Variants in GLCCI1 observed in about 807,000 individuals in gnomAD.
The protein encoded by GLCCI1 is glucocorticoid induced 1, also known as glucocorticoid-induced transcript 1 protein.
A neutral mutation model predicts 52.2 loss-of-function variants in GLCCI1; 24 were observed. The ratio of observed to expected loss-of-function variants is 0.46; its 90% CI spans 0.33 to 0.65. The LOEUF (loss-of-function observed/expected upper bound fraction) is 0.65, where lower values mean the gene tolerates loss of function less well. GLCCI1 is among the 30% of genes least tolerant of loss of function. The pLI is 0.02. For synonymous variants in GLCCI1, 310 were observed against 276.5 expected, an observed-to-expected ratio of 1.12 and a Z score of -1.20; for missense variants, 704 against 701.5, an observed-to-expected ratio of 1.00 and a Z score of -0.04.
intron 2 of GLCCI1, among the ~76,000 whole-genome samples, chr7:8,004,573 A>C (rs1276009877): frequency 1.3e-5 from 2 of 152,198 alleles, no homozygotes; most frequent in Non-Finnish European, 2.9e-5. Context: ...CTTTTCCTCC[A>C]CATCAGAAAA....
chr7:8,007,633 G>A (rs894945312), intron 2 of GLCCI1, among the ~76,000 whole-genome samples: 1 of 152,156 alleles, frequency 6.6e-6, no homozygotes, highest in Non-Finnish European at 1.5e-5. Context: ...GGAAGAACTT[G>A]TTTTATTTAT....
chr7:8,047,014 A>G (rs937224078), intron 3 of GLCCI1, among the ~76,000 whole-genome samples: 2 of 152,182 alleles, frequency 1.3e-5, no homozygotes, highest in African/African-American at 4.8e-5. Flanking sequence ...GGGGGAAAAA[A>G]AAAACCACCT....
chr7:7,973,344 G>C (rs182330542), intron 1 of GLCCI1, among the ~76,000 whole-genome samples: 30 of 151,660 alleles, frequency 2.0e-4, no homozygotes, highest in Non-Finnish European at 3.8e-4. Context: ...AGAACCCATG[G>C]ATTTAAACAT....
intron 6 of GLCCI1, among the ~76,000 whole-genome samples, chr7:8,077,110 T>C (rs1484263443): frequency 6.6e-6 from 1 of 152,202 alleles, no homozygotes; most frequent in Non-Finnish European, 1.5e-5. Flanking sequence ...CTGCTAAAAC[T>C]GTCTCATCTT....
At chr7:8,061,300 C>G (rs1411980273) in intron 5 of GLCCI1, among the ~76,000 whole-genome samples, 1 of 152,046 alleles carries the variant, frequency 6.6e-6, no homozygotes. Flanking sequence ...CGGGGTTTTG[C>G]CATGTTAGCC....
In GLCCI1 at chr7:8,032,628, C is replaced by T. The variant is rs939541713; in HGVS notation, c.696+10059C>T. ...ATTATGAACAACTTTATGCCATCAA[C>T]GTAGAAAACTGAGATGAAATGGACA... On this transcript the variant is annotated intron_variant, in intron 3 of 7. Transcript: ENST00000223145. 4.6e-5 allele frequency among the ~76,000 whole-genome samples: 7 copies of T among 151,770 alleles called. No homozygotes were observed. The East Asian group carries it at 1.4e-3, about 29-fold the overall frequency.
chr7:8,024,322 A>G (rs993641210), intron 3 of GLCCI1, among the ~76,000 whole-genome samples: 3 of 152,208 alleles, frequency 2.0e-5, no homozygotes, highest in African/African-American at 7.2e-5. Context: ...TCTGCCTACC[A>G]TACATGTATG....
intron 1 of GLCCI1, among the ~76,000 whole-genome samples, chr7:7,974,335 A>G (rs971803295): frequency 7.2e-5 from 11 of 152,206 alleles, no homozygotes; most frequent in African/African-American, 2.4e-4. Flanking sequence ...AGCGTATTGA[A>G]TATTGAATAC....
chr7:8,071,731 T>G (rs2127965012), intron 6 of GLCCI1, among the ~76,000 whole-genome samples: 1 of 152,284 alleles, frequency 6.6e-6, no homozygotes, highest in African/African-American at 2.4e-5. Flanking sequence ...CAACACTTCC[T>G]GGGTTCTTTC....
chr7:8,021,076 T>A (rs1378490677), intron 2 of GLCCI1, among the ~76,000 whole-genome samples: 1 of 152,200 alleles, frequency 6.6e-6, no homozygotes, highest in Non-Finnish European at 1.5e-5. Flanking sequence ...GCTCAAGCAG[T>A]TTATTTTTGT....
intron 1 of GLCCI1, among the ~76,000 whole-genome samples, chr7:7,985,302 A>C (rs1780700314): frequency 6.6e-6 from 1 of 152,084 alleles, no homozygotes; most frequent in Non-Finnish European, 1.5e-5. Context: ...TAGCATGCGC[A>C]CCCTAAAGTT....
At position 8,085,013 on chromosome 7, in the gene GLCCI1, A is replaced by G. The variant is rs1204711984; in HGVS notation, c.1294A>G (p.Met432Val). 2 of 1,613,886 alleles carry G rather than the reference A, an allele frequency of 1.2e-6. No homozygotes were observed. The highest frequency in any genetic ancestry group is 2.7e-5 in the African/African-American group (2 of 74,922). The change falls in exon 7 of 8, where the codon ATG becomes GTG. Residue 432 changes from methionine (M) to valine (V), a missense_variant. Transcript: ENST00000223145. ...GCERVKVFEE[M>V]ASRQPISAPL... The stretch of plus-strand genomic sequence containing the variant: ...TGAGCGAGTGAAGGTCTTTGAGGAA[A>G]TGGCGTAAGTAATGTCTTTTTTGTC...
Position 8,086,654 on chromosome 7 carries a change from C to T in GLCCI1, c.*116C>T. ...CACCACCAATAATACTTATCAGCATCATAAAGTATCTCTTAAACACTGATC... is the reference window on the plus strand; with the variant it reads ...CACCACCAATAATACTTATCAGCATTATAAAGTATCTCTTAAACACTGATC... On this transcript the variant is annotated 3_prime_UTR_variant, in exon 8 of 8. Transcript: ENST00000223145. This position sits in a 1 kb window ranked among gnomAD's most constrained non-coding sequence, Gnocchi z 4.4. 1 of 815,744 alleles carries T rather than the reference C, an allele frequency of 1.2e-6. No individual in the cohort carries two copies. The highest frequency in any genetic ancestry group is 1.9e-6 in the Non-Finnish European group (1 of 517,434). The allele number at this position is 815,744 out of a possible 1,614,324, so 50.5% of individuals were successfully genotyped here. A position where few individuals can be genotyped will look rare whatever the true frequency, so the allele number is the denominator to read the frequency against.
chr7:8,053,709 C>T (rs1051550153), intron 3 of GLCCI1, among the ~76,000 whole-genome samples: 13 of 152,054 alleles, frequency 8.5e-5, no homozygotes, highest in African/African-American at 2.7e-4. Context: ...ATCTCACATA[C>T]TTCTTGACTA....
chr7:8,053,268 C>T (rs1477296274), intron 3 of GLCCI1, among the ~76,000 whole-genome samples: 1 of 149,786 alleles, frequency 6.7e-6, no homozygotes, highest in African/African-American at 2.5e-5. Context: ...GGATCACTTA[C>T]TTATTTCCTA....
intron 1 of GLCCI1, among the ~76,000 whole-genome samples, chr7:7,995,067 C>T (rs1185650641): frequency 6.6e-6 from 1 of 152,056 alleles, no homozygotes; most frequent in African/African-American, 2.4e-5. Context: ...GACATCAATC[C>T]CAAGTAAAAG....
chr7:8,002,035 T>G (rs1244473758), intron 1 of GLCCI1, among the ~76,000 whole-genome samples: 1 of 152,046 alleles, frequency 6.6e-6, no homozygotes, highest in Non-Finnish European at 1.5e-5. Flanking sequence ...ACATGGCACA[T>G]GTATACCTAT....
intron 2 of GLCCI1, among the ~76,000 whole-genome samples, chr7:8,014,987 G>A (rs569700302): frequency 6.6e-6 from 1 of 152,168 alleles, no homozygotes; most frequent in African/African-American, 2.4e-5. Context: ...TTAGACTTCA[G>A]TCTATGGAGT....
intron 1 of GLCCI1, among the ~76,000 whole-genome samples, chr7:7,994,316 G>T (rs1160938711): frequency 6.6e-6 from 1 of 152,114 alleles, no homozygotes; most frequent in Non-Finnish European, 1.5e-5. Flanking sequence ...CAGACTCAGG[G>T]TTAAATTATT....
Sources: gnomAD v4.1 joint callset for allele counts (sites outside exome capture counted in the v4.1 genomes callset) on GRCh38, gnomAD v4.1.1 for gene constraint, Gnocchi (gnomAD v3.1) non-coding constraint, MANE v1.5 for transcripts, NCBI Gene and HGNC (gene_info 2026-07-23, HGNC 2026-07-21) for gene names.